The following PDS5A variants were observed in gnomAD, a reference collection of about 807,000 sequenced individuals.
PDS5A encodes PDS5 cohesin associated factor A.
PDS5A carries 42 observed loss-of-function variants against 167.1 expected under a neutral mutation model. The ratio of observed to expected loss-of-function variants is 0.25; its 90% CI spans 0.20 to 0.33. PDS5A has a LOEUF of 0.33. Among genes scored for constraint, PDS5A ranks in the 10% least tolerant of loss-of-function variants. The probability of loss-of-function intolerance (pLI) is 1.00; values close to 1 mark genes in which losing one functional copy is unlikely to be tolerated. For synonymous variants in PDS5A, 553 were observed against 554.6 expected, an observed-to-expected ratio of 1.00 and a Z score of 0.04; for missense variants, 1,033 against 1,605.9, an observed-to-expected ratio of 0.64 and a Z score of 6.10.
chr4:39,965,734 CA>C lies in PDS5A; in HGVS notation c.138+10705del, dbSNP rs201989723. ...GGCTAAGATCAAGTGGAGAGTAAGT[CA>C]AAGTCATCTAGACAAAAAGCAGAAT... On this transcript the variant is annotated intron_variant, in intron 2 of 32. Coordinates refer to ENST00000303538, the MANE Select transcript of PDS5A (RefSeq NM_001100399.2). Among the ~76,000 whole-genome samples the C allele has an allele frequency of 5.8e-3, 884 of 152,168 alleles. 9 individuals carry two copies. The highest frequency in any genetic ancestry group is 0.02 in the African/African-American group (812 of 41,506).
At chr4:39,931,043 C>T (rs573951107) in intron 2 of PDS5A, among the ~76,000 whole-genome samples, 1 of 152,256 alleles carries the variant, frequency 6.6e-6, no homozygotes, top group East Asian at 1.9e-4. Context: ...TGTGATGGCT[C>T]ACACCTGTAA....
intron 26 of PDS5A, among the ~76,000 whole-genome samples, chr4:39,857,063 C>G (rs1298254016): frequency 6.6e-6 from 1 of 151,602 alleles, no homozygotes; most frequent in African/African-American, 2.4e-5. Flanking sequence ...TAATGAAATA[C>G]TAAAAATGGC....
At chr4:39,882,475 C>T (rs931100616) in intron 17 of PDS5A, among the ~76,000 whole-genome samples, 25 of 152,138 alleles carry the variant, frequency 1.6e-4, no homozygotes, top group African/African-American at 5.8e-4. Context: ...GAAAATAATT[C>T]CAAATTGAGC....
intron 4 of PDS5A, among the ~76,000 whole-genome samples, chr4:39,926,559 T>C (rs934268833): frequency 2.6e-5 from 4 of 151,078 alleles, no homozygotes; most frequent in Non-Finnish European, 5.9e-5. Context: ...ACAAAAGATA[T>C]AGTTTCAAAT....
chr4:39,898,631 A>C (rs1722622403), intron 15 of PDS5A, 103 bp from the exon 16 acceptor site: 1 of 948,106 alleles, frequency 1.1e-6, no homozygotes, highest in African/African-American at 1.7e-5. Flanking sequence ...CCACTAAAAG[A>C]AAATCAGCCT....
At chr4:39,963,449 G>A (rs893844328) in intron 2 of PDS5A, among the ~76,000 whole-genome samples, 2 of 151,574 alleles carry the variant, frequency 1.3e-5, no homozygotes, top group African/African-American at 4.8e-5. Context: ...AAAATAGCCA[G>A]ACTCCATCTC....
intron 14 of PDS5A, among the ~76,000 whole-genome samples, chr4:39,899,250 T>C (rs946028621): frequency 5.9e-5 from 9 of 152,156 alleles, no homozygotes; most frequent in African/African-American, 1.9e-4. Flanking sequence ...GTTAGCTACT[T>C]TGTGGCCCGT....
intron 16 of PDS5A, among the ~76,000 whole-genome samples, chr4:39,892,731 T>C (rs144010217): frequency 1.5e-4 from 23 of 152,346 alleles, no homozygotes; most frequent in South Asian, 4.1e-4. Flanking sequence ...TCTGAAGATA[T>C]AATGCATATC....
chr4:39,873,912 G>C (rs564897136), intron 20 of PDS5A, among the ~76,000 whole-genome samples: 1 of 152,030 alleles, frequency 6.6e-6, no homozygotes, highest in Non-Finnish European at 1.5e-5. Context: ...AGGCATGGTG[G>C]TGGTGCCTGT....
At chr4:39,835,064 G>A (rs976121472) in intron 32 of PDS5A, among the ~76,000 whole-genome samples, 1 of 152,044 alleles carries the variant, frequency 6.6e-6, no homozygotes, top group African/African-American at 2.4e-5. Flanking sequence ...TCTACCTCCC[G>A]GGTAGCTGAG....
chr4:39,846,897 A>G (rs1717652437), intron 28 of PDS5A: 1 of 152,210 alleles, frequency 6.6e-6, no homozygotes, highest in Non-Finnish European at 1.5e-5. Flanking sequence ...TTTTGCACAA[A>G]GTCTTCTATG....
rs144523165 is a variant in PDS5A, at chr4:39,900,885, C to G, written c.1500-378G>C. On this transcript the variant is annotated intron_variant, in intron 13 of 32. Transcript: ENST00000303538. ...GGCATGTGTGTGGAGCATAAGGAAGCTGGAGCATTCCACAGACACAGATCA... is the reference window on the plus strand; with the variant it reads ...GGCATGTGTGTGGAGCATAAGGAAGGTGGAGCATTCCACAGACACAGATCA... 6.2e-3 allele frequency among the ~76,000 whole-genome samples: 941 copies of G among 151,938 alleles called. 9 individuals carry two copies. The highest frequency in any genetic ancestry group is 0.021 in the African/African-American group (877 of 41,224).
At chr4:39,973,986 C>T (rs1461833255) in intron 2 of PDS5A, 13 of 487,998 alleles carry the variant, frequency 2.7e-5, no homozygotes, top group Non-Finnish European at 4.5e-5. Flanking sequence ...ATTAGCCGGG[C>T]ATGATGGCGG....
chr4:39,972,991 C>T (rs1166815288), intron 2 of PDS5A: 7 of 467,534 alleles, frequency 1.5e-5, no homozygotes, highest in Admixed American at 1.1e-4. Context: ...TTGCTCGGTA[C>T]ATAATGTTCA....
At chr4:39,897,982 AT>A in intron 16 of PDS5A, 2 of 892,982 alleles carry the variant, frequency 2.2e-6, no homozygotes, top group Non-Finnish European at 2.7e-6. Context: ...CTAGATAGGA[AT>A]TTACTTTATC....
chr4:39,941,141 T>C (rs1282372393), intron 2 of PDS5A, among the ~76,000 whole-genome samples: 1 of 152,256 alleles, frequency 6.6e-6, no homozygotes, highest in Non-Finnish European at 1.5e-5. Flanking sequence ...TTTCTTACAT[T>C]TTACTTGCTT....
At position 39,825,351 on chromosome 4, in the gene PDS5A, G is replaced by A. The variant is rs1214728936; in HGVS notation, c.*134C>T. On this transcript the variant is annotated 3_prime_UTR_variant, in exon 33 of 33. Transcript: ENST00000303538. ...TGAAAAGGAAGTAATAGTCTCTTTA[G>A]TTTTCAAGGCAGAGAGTGTGTGTTC... The A allele has an allele frequency of 6.4e-6, 4 of 620,228 alleles. No homozygotes were observed. Among genetic ancestry groups the A allele is most frequent in the African/African-American group, 3.8e-5 (2 of 52,762 alleles). 38.4% of individuals were successfully genotyped at this position (620,228 alleles called of 1,614,324 possible). A position where few individuals can be genotyped will look rare whatever the true frequency, so the allele number is the denominator to read the frequency against.
Position 39,848,864 on chromosome 4 carries a change from G to A in PDS5A, c.3326C>T (p.Thr1109Ile). The part of the protein sequence containing the change: ...KDPVLPMKFF[T>I]QPEKDFCNDK... ...GAAGAAAATTACCTTTTCAGGTTGT[G>A]TAAAAAATTTCATTGGGAGGACTGG... is the stretch of plus-strand genomic sequence containing the variant. The change falls in exon 28 of 33, where the codon ACA (threonine) becomes ATA (isoleucine). Residue 1109 changes from threonine (T) to isoleucine (I), a missense_variant. Physicochemically the swap from Thr to Ile is moderately conservative, Grantham distance 89 (BLOSUM62 -1). Transcript: ENST00000303538. 6.3e-7 allele frequency: 1 copy of A among 1,599,770 alleles called. No homozygotes were observed. Among genetic ancestry groups the A allele is most frequent in the African/African-American group, 1.3e-5 (1 of 74,888 alleles).
chr4:39,897,954 A>G, intron 16 of PDS5A: 1 of 761,656 alleles, frequency 1.3e-6, no homozygotes, highest in Middle Eastern at 6.7e-4. Context: ...AGTTCAAGAG[A>G]AGAATGAAGA....
Sources: gnomAD v4.1 joint callset for allele counts (sites outside exome capture counted in the v4.1 genomes callset) on GRCh38, gnomAD v4.1.1 for gene constraint, MANE v1.5 for transcripts, NCBI Gene and HGNC (gene_info 2026-07-23, HGNC 2026-07-21) for gene names.